Variants in PSMF1 observed in about 807,000 individuals in gnomAD.
PSMF1 encodes proteasome inhibitor PI31 subunit.
PSMF1 carries 30 observed loss-of-function variants against 29.3 expected under a neutral mutation model. The observed-to-expected ratio is 1.02, with a 90% CI of 0.77 to 1.39. The LOEUF is 1.39. PSMF1 is among the 40% of genes most tolerant of loss of function. The probability of loss-of-function intolerance (pLI) is 0.00; values close to 1 mark genes in which losing one functional copy is unlikely to be tolerated. For missense variants in PSMF1, 344 were observed against 357.5 expected (o/e 0.96, Z 0.31); for synonymous variants, 134 against 139.7 (o/e 0.96, Z 0.29).
intron 3 of PSMF1, among the ~76,000 whole-genome samples, chr20:1,129,879 G>A (rs1440231737): frequency 5.3e-5 from 8 of 152,180 alleles, no homozygotes; most frequent in South Asian, 4.1e-4. Context: ...ACCCATGTTC[G>A]TAGAAGCATT....
intron 4 of PSMF1, among the ~76,000 whole-genome samples, chr20:1,150,971 C>T (rs1379825097): frequency 3.3e-5 from 5 of 152,192 alleles, no homozygotes; most frequent in Admixed American, 6.5e-5. Flanking sequence ...TATTTTTCCA[C>T]ATTGATATCC....
intron 4 of PSMF1, among the ~76,000 whole-genome samples, chr20:1,139,300 T>C (rs2086350388): frequency 6.6e-6 from 1 of 152,334 alleles, no homozygotes; most frequent in Admixed American, 6.5e-5. Flanking sequence ...TGGAGTGTTT[T>C]CCTCTTAAGA....
chr20:1,154,354 C>G (rs1035412378), intron 4 of PSMF1, among the ~76,000 whole-genome samples: 1 of 152,124 alleles, frequency 6.6e-6, no homozygotes, highest in Non-Finnish European at 1.5e-5. Flanking sequence ...ATTTCCCAAC[C>G]CTTCTCAGTC....
intron 3 of PSMF1, among the ~76,000 whole-genome samples, chr20:1,133,075 T>C (rs2086252085): frequency 6.6e-6 from 1 of 151,204 alleles, no homozygotes; most frequent in African/African-American, 2.4e-5. Context: ...GAATGCCTTT[T>C]GTTTTTCTTG....
At chr20:1,130,532 G>A (rs890523182) in intron 3 of PSMF1, among the ~76,000 whole-genome samples, 9 of 152,114 alleles carry the variant, frequency 5.9e-5, no homozygotes, top group African/African-American at 1.7e-4. Flanking sequence ...CTGACCTCAC[G>A]TAGCCAACTC....
At chr20:1,127,600 G>T in intron 3 of PSMF1, 92 bp downstream of exon 3, 1 of 1,079,784 alleles carries the variant, frequency 9.3e-7, no homozygotes, top group Non-Finnish European at 1.4e-6. Flanking sequence ...AGAAAATTAA[G>T]GAAGGTGAAT....
intron 4 of PSMF1, among the ~76,000 whole-genome samples, chr20:1,141,272 A>G (rs2086376362): frequency 6.6e-6 from 1 of 152,196 alleles, no homozygotes; most frequent in African/African-American, 2.4e-5. Flanking sequence ...ATATTCTGTG[A>G]ACATCTAAAA....
intron 4 of PSMF1, chr20:1,161,835 C>T: frequency 3.0e-6 from 1 of 328,910 alleles, no homozygotes; most frequent in Non-Finnish European, 5.7e-6. Context: ...GTCCTTGAAG[C>T]TTGTGTCTGA....
At position 1,169,768 on chromosome 20, in the gene PSMF1, T is replaced by C. The variant is rs2086771361; in HGVS notation, c.*4688T>C. 6.6e-6 allele frequency among the ~76,000 whole-genome samples: 1 copy of C among 152,212 alleles called. No homozygotes were observed. The highest frequency in any genetic ancestry group is 2.1e-4 in the South Asian group (1 of 4,822). On this transcript the variant is annotated 3_prime_UTR_variant, in exon 7 of 7. Transcript: ENST00000335877. ...CATCCAAGTTCAAGGCTCAATTGAA[T>C]GCGTCTGGTTGTTGGAACCTACATG...
At chr20:1,131,049 G>A (rs1157937854) in intron 3 of PSMF1, among the ~76,000 whole-genome samples, 1 of 152,082 alleles carries the variant, frequency 6.6e-6, no homozygotes, top group Non-Finnish European at 1.5e-5. Flanking sequence ...GAGGAAAGGG[G>A]GAAGTGAGCC....
intron 4 of PSMF1, chr20:1,161,770 G>A (rs937364659): frequency 2.6e-5 from 11 of 431,360 alleles, no homozygotes; most frequent in African/African-American, 6.1e-5. Flanking sequence ...CCTGACAAAT[G>A]TATACACCTC....
upstream of PSMF1, among the ~76,000 whole-genome samples, chr20:1,114,127 A>C (rs921845585): frequency 1.3e-5 from 2 of 151,594 alleles, no homozygotes; most frequent in African/African-American, 4.9e-5. Flanking sequence ...AAATTATGCA[A>C]CTCTGTGCCT....
intron 4 of PSMF1, among the ~76,000 whole-genome samples, chr20:1,139,785 AT>A: frequency 6.6e-6 from 1 of 152,030 alleles, no homozygotes; most frequent in Non-Finnish European, 1.5e-5. Context: ...ATTTCTGTAC[AT>A]TAGCAATGAA....
rs767410497 is a variant in PSMF1 at position 1,147,168 on chromosome 20, CATCAT to C, written c.551+11863_551+11867del. Among the ~76,000 whole-genome samples, 503 of 116,174 alleles carry C rather than the reference CATCAT, an allele frequency of 4.3e-3. 5 individuals are homozygous for C. Among genetic ancestry groups the C allele is most frequent in the Middle Eastern group, 9.1e-3 (2 of 220 alleles). The allele number at this position is 116,174 out of a possible 152,430, so 76.2% of individuals were successfully genotyped here. A position where few individuals can be genotyped will look rare whatever the true frequency, so the allele number is the denominator to read the frequency against. On this transcript the variant is annotated intron_variant, in intron 4 of 6. Transcript: ENST00000335877. ...TCATCATCATCATCATCATCATCAT[CATCAT>C]CATCACCACCCTGTGTTGAGGACAG...
chr20:1,161,150 C>T (rs2086662233), intron 4 of PSMF1: 2 of 364,796 alleles, frequency 5.5e-6, no homozygotes, highest in South Asian at 9.7e-5. Flanking sequence ...TGAAGATTCT[C>T]ACAGAGTACG....
intron 4 of PSMF1, among the ~76,000 whole-genome samples, chr20:1,137,334 A>C (rs2086319692): frequency 6.6e-6 from 1 of 152,254 alleles, no homozygotes; most frequent in African/African-American, 2.4e-5. Context: ...AAAACTATTA[A>C]GTAAAGGTCG....
At chr20:1,124,482 G>A (rs2086128334) in intron 1 of PSMF1, among the ~76,000 whole-genome samples, 1 of 152,058 alleles carries the variant, frequency 6.6e-6, no homozygotes, top group Non-Finnish European at 1.5e-5. Flanking sequence ...GTATAAATCA[G>A]TAACTCTTTA....
intron 4 of PSMF1, among the ~76,000 whole-genome samples, chr20:1,159,280 A>G (rs3787574): frequency 0.08 from 12,101 of 151,918 alleles, 564 homozygotes; most frequent in South Asian, 0.13. Context: ...GACTCAAGCA[A>G]TCCTCCCACC....
At chr20:1,136,702 A>C (rs2086311639) in intron 4 of PSMF1, among the ~76,000 whole-genome samples, 1 of 152,352 alleles carries the variant, frequency 6.6e-6, no homozygotes, top group African/African-American at 2.4e-5. Flanking sequence ...TGTATGTGGA[A>C]TTATCTTGAA....
Sources: gnomAD v4.1 joint callset for allele counts (sites outside exome capture counted in the v4.1 genomes callset) on GRCh38, gnomAD v4.1.1 for gene constraint, MANE v1.5 for transcripts, NCBI Gene and HGNC (gene_info 2026-07-23, HGNC 2026-07-21) for gene names.